Variants in GRB10 observed in about 807,000 individuals in gnomAD.
GRB10 encodes the protein growth factor receptor bound protein 10.
Under a neutral mutation model 80.9 loss-of-function variants are expected in GRB10, and 20 were observed. That is an observed-to-expected ratio of 0.25 (90% confidence interval 0.17 to 0.36). GRB10 has a LOEUF of 0.36. Ranked by LOEUF, GRB10 falls within the 10% of genes least tolerant of loss-of-function variation. The pLI is 1.00. For synonymous variants in GRB10, 291 were observed against 291.5 expected (o/e 1.00, Z 0.02); for missense variants, 548 against 747.7 (o/e 0.73, Z 3.12).
chr7:50,650,526 T>A (rs78236497), intron 7 of GRB10, among the ~76,000 whole-genome samples: 1 of 152,064 alleles, frequency 6.6e-6, no homozygotes, highest in African/African-American at 2.4e-5. Context: ...AAACTGACCA[T>A]GGAGGAAGGA....
chr7:50,635,965 T>C (rs2054928571), intron 7 of GRB10, among the ~76,000 whole-genome samples: 1 of 20,666 alleles, frequency 4.8e-5, no homozygotes, highest in African/African-American at 3.3e-4. Context: ...TCCTTTCCTT[T>C]TTTTTTTTTT....
chr7:50,659,423 G>GC (rs2058993577), intron 7 of GRB10, among the ~76,000 whole-genome samples: 1 of 152,078 alleles, frequency 6.6e-6, no homozygotes. Flanking sequence ...GCCTAGCCAA[G>GC]CCCCCCTTTG....
chr7:50,739,745 G>A (rs1318386273), intron 3 of GRB10, among the ~76,000 whole-genome samples: 1 of 152,184 alleles, frequency 6.6e-6, no homozygotes, highest in Admixed American at 6.5e-5. Flanking sequence ...ACTTCAGTTG[G>A]AGGGCCCGCT....
chr7:50,757,129 C>T (rs2075194221), intron 2 of GRB10, among the ~76,000 whole-genome samples: 1 of 152,200 alleles, frequency 6.6e-6, no homozygotes, highest in South Asian at 2.1e-4. Flanking sequence ...TGAAACAGGT[C>T]CCGCTGAACA....
chr7:50,658,730 T>C (rs2058910572), intron 7 of GRB10, among the ~76,000 whole-genome samples: 2 of 152,224 alleles, frequency 1.3e-5, no homozygotes, highest in African/African-American at 4.8e-5. Flanking sequence ...AAAAGATATT[T>C]GTACTCCGGA....
chr7:50,659,982 A>T (rs768091446), intron 7 of GRB10, among the ~76,000 whole-genome samples: 4 of 152,138 alleles, frequency 2.6e-5, no homozygotes, highest in Non-Finnish European at 5.9e-5. Flanking sequence ...GTCTAAACCC[A>T]CTTTTTGTGA....
intron 2 of GRB10, among the ~76,000 whole-genome samples, chr7:50,774,390 T>C (rs528872271): frequency 5.3e-5 from 8 of 152,360 alleles, no homozygotes; most frequent in African/African-American, 1.4e-4. Context: ...GGATAACTTA[T>C]AAAGAACAAA....
intron 7 of GRB10, among the ~76,000 whole-genome samples, chr7:50,640,434 C>T (rs1254098276): frequency 1.3e-5 from 2 of 152,196 alleles, no homozygotes; most frequent in Non-Finnish European, 2.9e-5. Context: ...CATCTGGAGA[C>T]ACCATGACAC....
chr7:50,722,261 C>T (rs1342686581), intron 4 of GRB10, among the ~76,000 whole-genome samples: 1 of 152,184 alleles, frequency 6.6e-6, no homozygotes, highest in South Asian at 2.1e-4. Flanking sequence ...TGGCCATAAA[C>T]TTACGTTCAA....
At chr7:50,723,995 T>A (rs575704483) in intron 4 of GRB10, among the ~76,000 whole-genome samples, 1 of 152,270 alleles carries the variant, frequency 6.6e-6, no homozygotes, top group South Asian at 2.1e-4. Flanking sequence ...CGGAGTCACA[T>A]CAGGCCTATA....
At chr7:50,750,570 G>A (rs1252684666) in intron 3 of GRB10, among the ~76,000 whole-genome samples, 2 of 152,194 alleles carry the variant, frequency 1.3e-5, no homozygotes, top group Non-Finnish European at 1.5e-5. Context: ...ACATCTAGAA[G>A]TGCTAGGGAA....
intron 11 of GRB10, 142 bp from the exon 12 acceptor site, chr7:50,615,022 G>T: frequency 1.4e-6 from 1 of 696,362 alleles, no homozygotes; most frequent in Admixed American, 2.0e-5. Context: ...ATTATTACGC[G>T]AGGTGTAATA....
chr7:50,738,562 G>C (rs2071196861), intron 3 of GRB10, among the ~76,000 whole-genome samples: 1 of 152,220 alleles, frequency 6.6e-6, no homozygotes, highest in Admixed American at 6.5e-5. Flanking sequence ...CTCCCAGGCA[G>C]CTGGGACTTA....
At chr7:50,748,181 C>A (rs1028372315) in intron 3 of GRB10, among the ~76,000 whole-genome samples, 2 of 152,176 alleles carry the variant, frequency 1.3e-5, no homozygotes, top group African/African-American at 4.8e-5. Flanking sequence ...CCATCTTTAA[C>A]GGGGTCCTGT....
At chr7:50,722,858 C>T (rs1253665546) in intron 4 of GRB10, among the ~76,000 whole-genome samples, 1 of 152,100 alleles carries the variant, frequency 6.6e-6, no homozygotes, top group Non-Finnish European at 1.5e-5. Context: ...ATTTCACCCA[C>T]CTTAGGTAAA....
In GRB10 at chr7:50,711,129, G is replaced by A. The variant is rs2065834690; in HGVS notation, c.52-7221C>T. 3 of 560,356 alleles carry A rather than the reference G, an allele frequency of 5.4e-6. No homozygotes were observed. The South Asian group carries it at 6.9e-5, about 13-fold the overall frequency. 34.7% of individuals were successfully genotyped at this position (560,356 alleles called of 1,614,324 possible). A position where few individuals can be genotyped will look rare whatever the true frequency, so the allele number is the denominator to read the frequency against. ...CGATCATAACCTACAGGCTTAACAGGGATCAACTTTAAACATTACAGGTAT... is the reference window on the plus strand; with the variant it reads ...CGATCATAACCTACAGGCTTAACAGAGATCAACTTTAAACATTACAGGTAT... On this transcript the variant is annotated intron_variant, in intron 4 of 18. Coordinates refer to ENST00000401949, the MANE Select transcript of GRB10 (RefSeq NM_001350814.2).
rs147178639 is a variant in GRB10 at position 50,750,006 on chromosome 7, G to C, written c.-47+5881C>G. ...TTAGGACAGACTGTAACAGCCTGTT[G>C]ATCCTGCTACTCCCTTGGTGAGATT... is the stretch of plus-strand genomic sequence containing the variant. On this transcript the variant is annotated intron_variant, in intron 3 of 18. Coordinates refer to ENST00000401949, the MANE Select transcript of GRB10 (RefSeq NM_001350814.2). 1.9e-3 allele frequency among the ~76,000 whole-genome samples: 289 copies of C among 152,302 alleles called. 1 individual carries two copies. The highest frequency in any genetic ancestry group is 6.7e-3 in the African/African-American group (280 of 41,556).
At chr7:50,628,204 C>G (rs932990221) in intron 7 of GRB10, among the ~76,000 whole-genome samples, 1 of 152,264 alleles carries the variant, frequency 6.6e-6, no homozygotes, top group African/African-American at 2.4e-5. Flanking sequence ...CCAGACCCAT[C>G]TGCCAACCTC....
chr7:50,792,672 G>T (rs868375527), intron 1 of GRB10: 30 of 387,838 alleles, frequency 7.7e-5, no homozygotes, highest in African/African-American at 5.8e-4. Flanking sequence ...TCCGTACGAG[G>T]CTGGGCCGGC....
Sources: gnomAD v4.1 joint callset for allele counts (sites outside exome capture counted in the v4.1 genomes callset) on GRCh38, gnomAD v4.1.1 for gene constraint, MANE v1.5 for transcripts, NCBI Gene and HGNC (gene_info 2026-07-23, HGNC 2026-07-21) for gene names.